Variants in LPIN2 observed in about 807,000 individuals in gnomAD.
LPIN2 encodes phosphatidate phosphatase LPIN2.
In LPIN2, 55 loss-of-function variants were observed where a neutral mutation model predicts 111.4. The ratio of observed to expected loss-of-function variants is 0.49; its 90% confidence interval spans 0.40 to 0.62. The LOEUF (loss-of-function observed/expected upper bound fraction) is 0.62, where lower values mean the gene tolerates loss of function less well. Among genes scored for constraint, LPIN2 ranks in the 20% least tolerant of loss-of-function variants. The pLI is 0.00. For missense variants in LPIN2, 992 were observed against 1,112.1 expected (o/e 0.89, Z 1.54); for synonymous variants, 425 against 414.0 (o/e 1.03, Z -0.32).
chr18:2,944,597 G>A lies in LPIN2; in HGVS notation c.591-3885C>T, dbSNP rs544169473. Among the ~76,000 whole-genome samples, 33 of 151,962 alleles carry A rather than the reference G, an allele frequency of 2.2e-4. No homozygotes were observed. The East Asian group carries it at 5.2e-3, about 24-fold the overall frequency. On this transcript the variant is annotated intron_variant, in intron 4 of 19. Coordinates refer to ENST00000677752, the MANE Select transcript of LPIN2 (RefSeq NM_001375808.2). ...GATCTCCTGACCTCGTGATCTGCCCGCCTCGGCCTCCCAAAGTGCTGGGAT... is the reference window on the plus strand; with the variant it reads ...GATCTCCTGACCTCGTGATCTGCCCACCTCGGCCTCCCAAAGTGCTGGGAT...
chr18:2,917,741 G>C lies in LPIN2; in HGVS notation c.*2552C>G, dbSNP rs551348633. On this transcript the variant is annotated 3_prime_UTR_variant, in exon 20 of 20. Transcript: ENST00000677752. Reference sequence around the variant, plus strand: ...ACAAGGGGCAGACAGCAACTCACACGGGACGAGCTTCAGCACACAGACAGC... The same window carrying C: ...ACAAGGGGCAGACAGCAACTCACACCGGACGAGCTTCAGCACACAGACAGC... 1 of 152,364 alleles carries C rather than the reference G, an allele frequency of 6.6e-6. No individual in the cohort carries two copies. The highest frequency in any genetic ancestry group is 2.4e-5 in the African/African-American group (1 of 41,432). The allele number at this position is 152,364 out of a possible 1,614,324, so 9.4% of individuals were successfully genotyped here.
intron 1 of LPIN2, among the ~76,000 whole-genome samples, chr18:2,976,774 T>C (rs544629057): frequency 2.6e-5 from 4 of 152,218 alleles, no homozygotes; most frequent in South Asian, 2.1e-4. Context: ...GAAGAAATGA[T>C]GATTAACCCA....
chr18:3,003,851 A>G (rs1598614558), intron 1 of LPIN2, among the ~76,000 whole-genome samples: 1 of 152,200 alleles, frequency 6.6e-6, no homozygotes, highest in Non-Finnish European at 1.5e-5. Context: ...CGGGCAGAAT[A>G]CAGCCATATT....
At chr18:3,002,737 TAACTA>T (rs1194858938) in intron 1 of LPIN2, among the ~76,000 whole-genome samples, 3 of 152,348 alleles carry the variant, frequency 2.0e-5, no homozygotes, top group Middle Eastern at 3.4e-3. Context: ...AACAAGCTTT[TAACTA>T]AACAGTAAAT....
At chr18:2,936,828 C>T (rs1369976765) in intron 7 of LPIN2, among the ~76,000 whole-genome samples, 2 of 152,192 alleles carry the variant, frequency 1.3e-5, no homozygotes, top group Non-Finnish European at 2.9e-5. Flanking sequence ...GATCTGTCCA[C>T]CTCAGCTTCC....
Position 2,934,388 on chromosome 18 carries a change from G to C in LPIN2, c.1231C>G (p.Leu411Val). ...TAAAGAGCTGCAACTTCAGGTTCTA[G>C]ACCCTTTAAGTCATCAAGGTAAATA... ...DDIYLDDLKG[L>V]EPEVAALYFP... The change falls in exon 8 of 20, where the codon CTA (leucine) becomes GTA (valine). Residue 411 changes from leucine to valine, a missense_variant. Physicochemically the swap from Leu to Val is conservative, Grantham distance 32. Around this residue, in one of 4 missense-constraint regions of LPIN2, gnomAD observed 709 missense variants for 753.2 expected, o/e 0.94. Coordinates refer to ENST00000677752, the MANE Select transcript of LPIN2 (RefSeq NM_001375808.2). The C allele has an allele frequency of 6.2e-7, 1 of 1,613,640 alleles. No individual in the cohort carries two copies. Among genetic ancestry groups the C allele is most frequent in the Non-Finnish European group, 8.5e-7 (1 of 1,179,762 alleles).
Position 2,921,374 on chromosome 18 carries a change from T to C in LPIN2, c.2442+159A>G, listed in dbSNP as rs981973547. On this transcript the variant is annotated intron_variant, in intron 18 of 19. Transcript: ENST00000677752. Reference sequence around the variant, plus strand: ...ACCTGCAGGACCTCCCCAGTTGCTATAGATATTTGGAATAGATCAAGTGAA... The same window carrying C: ...ACCTGCAGGACCTCCCCAGTTGCTACAGATATTTGGAATAGATCAAGTGAA... 3.2e-4 allele frequency: 220 copies of C among 689,814 alleles called. 1 individual carries two copies. Among genetic ancestry groups the C allele is most frequent in the Middle Eastern group, 7.1e-4 (3 of 4,248 alleles). The allele number at this position is 689,814 out of a possible 1,614,324, so 42.7% of individuals were successfully genotyped here. A position where few individuals can be genotyped will look rare whatever the true frequency, so the allele number is the denominator to read the frequency against.
chr18:2,950,500 T>C (rs2077518662), intron 4 of LPIN2: 1 of 156,736 alleles, frequency 6.4e-6, no homozygotes, highest in South Asian at 1.9e-4. Flanking sequence ...AAACGGAATC[T>C]TGAATAAGAA....
chr18:2,971,017 G>A (rs560225898), intron 1 of LPIN2, among the ~76,000 whole-genome samples: 12 of 152,248 alleles, frequency 7.9e-5, no homozygotes, highest in Middle Eastern at 3.4e-3. Context: ...CCCTCTCTCC[G>A]AGTGGCGGCC....
intron 1 of LPIN2, among the ~76,000 whole-genome samples, chr18:2,988,874 A>C (rs1042793800): frequency 2.6e-5 from 4 of 152,200 alleles, no homozygotes; most frequent in Middle Eastern, 3.2e-3. Flanking sequence ...AATATAAAAA[A>C]GCTCTCTCAG....
intron 19 of LPIN2, 47 bp from the exon 20 acceptor site, chr18:2,920,484 G>T: frequency 6.2e-7 from 1 of 1,606,336 alleles, no homozygotes; most frequent in Non-Finnish European, 8.5e-7. Context: ...CTTCAAGATC[G>T]GTCAAAGGCA....
intron 1 of LPIN2, among the ~76,000 whole-genome samples, chr18:2,970,654 A>G (rs369424285): frequency 6.6e-6 from 1 of 152,246 alleles, no homozygotes; most frequent in African/African-American, 2.4e-5. Flanking sequence ...CCCTCCTGCA[A>G]ATATCAGCCT....
At chr18:2,931,639 G>T (rs747320805) in intron 8 of LPIN2, among the ~76,000 whole-genome samples, 196 bp from the exon 9 acceptor site, 21 of 152,156 alleles carry the variant, frequency 1.4e-4, no homozygotes, top group Admixed American at 8.5e-4. Context: ...ACCTAATATA[G>T]TACCAGTGAG....
intron 16 of LPIN2, 130 bp downstream of exon 16, chr18:2,923,645 T>A (rs2077088820): frequency 1.2e-6 from 1 of 825,554 alleles, no homozygotes; most frequent in Non-Finnish European, 2.1e-6. Flanking sequence ...AGGAAAGGAG[T>A]GAGGAAGAGC....
rs374426227 is a variant in LPIN2, at chr18:2,920,885, C to T, written c.2443-4G>A. ...CTTGTGTGTAGGCATAGACATCCTG[C>T]AGAAGAAAATAGCAAGCGGGTGATT... is the stretch of plus-strand genomic sequence containing the variant. On this transcript the variant is annotated splice_polypyrimidine_tract_variant and splice_region_variant and intron_variant, in intron 18 of 19. Transcript: ENST00000677752. 21 of 1,601,970 alleles carry T rather than the reference C, an allele frequency of 1.3e-5. No homozygotes were observed. The highest frequency in any genetic ancestry group is 1.8e-5 in the Non-Finnish European group (21 of 1,169,074).
In LPIN2 at chr18:3,009,777, C is replaced by CT. The variant is rs955110947; in HGVS notation, c.-10+3309dup. Among the ~76,000 whole-genome samples, 54 of 152,306 alleles carry CT rather than the reference C, an allele frequency of 3.5e-4. 1 individual carries two copies. The highest frequency in any genetic ancestry group is 1.3e-3 in the African/African-American group (52 of 41,574). ...TTCTTGTTAACAATTTTAACATAAACTGACAAACCTGATCACCGAAATACA... is the reference window on the plus strand; with the variant it reads ...TTCTTGTTAACAATTTTAACATAAACTTGACAAACCTGATCACCGAAATACA... On this transcript the variant is annotated intron_variant, in intron 1 of 19. Coordinates refer to ENST00000677752, the MANE Select transcript of LPIN2 (RefSeq NM_001375808.2).
intron 1 of LPIN2, among the ~76,000 whole-genome samples, chr18:2,962,422 C>T (rs1404972805): frequency 6.6e-6 from 1 of 151,896 alleles, no homozygotes; most frequent in Non-Finnish European, 1.5e-5. Flanking sequence ...ATTGATTTGA[C>T]CTCAATAGCT....
At chr18:2,961,189 C>T (rs571682099) in intron 1 of LPIN2, among the ~76,000 whole-genome samples, 2 of 152,298 alleles carry the variant, frequency 1.3e-5, no homozygotes, top group South Asian at 4.1e-4. Context: ...AGAACCCTGA[C>T]CTCCTGCCCA....
intron 6 of LPIN2, 124 bp downstream of exon 6, chr18:2,939,356 G>A: frequency 8.8e-7 from 1 of 1,132,224 alleles, no homozygotes; most frequent in Non-Finnish European, 1.3e-6. Context: ...TTTATGACAT[G>A]AGGGCACTAT....
Sources: allele counts gnomAD v4.1 joint callset (sites outside exome capture counted in the v4.1 genomes callset), GRCh38; gene constraint gnomAD v4.1.1; regional missense constraint gnomAD v4.1.1; transcripts MANE v1.5; gene names NCBI Gene and HGNC (gene_info 2026-07-23, HGNC 2026-07-21).